The following EBF2 variants were observed in gnomAD, a reference collection of about 807,000 sequenced individuals.
EBF2 encodes transcription factor COE2.
EBF2 carries 21 observed loss-of-function variants against 72.8 expected under a neutral mutation model. The observed-to-expected ratio is 0.29, with a 90% CI of 0.20 to 0.42. The LOEUF (loss-of-function observed/expected upper bound fraction) is 0.42. Ranked by LOEUF, EBF2 falls within the 10% of genes least tolerant of loss-of-function variation. The pLI is 1.00. For synonymous variants in EBF2, 299 were observed against 274.2 expected (o/e 1.09, Z -0.89); for missense variants, 637 against 731.2 (o/e 0.87, Z 1.49).
At chr8:25,905,945 T>C (rs1456749480) in intron 7 of EBF2, among the ~76,000 whole-genome samples, 1 of 152,240 alleles carries the variant, frequency 6.6e-6, no homozygotes, top group African/African-American at 2.4e-5. Flanking sequence ...TTTTTGCCCT[T>C]GTCTTTGCAA....
chr8:26,042,624 C>G (rs1286529037), intron 1 of EBF2, among the ~76,000 whole-genome samples: 4 of 152,224 alleles, frequency 2.6e-5, no homozygotes, highest in Non-Finnish European at 1.5e-5. Context: ...TGTCTCCATC[C>G]ACTCCCTCAG....
At chr8:25,885,293 A>T (rs188107495) in intron 10 of EBF2, among the ~76,000 whole-genome samples, 1 of 152,080 alleles carries the variant, frequency 6.6e-6, no homozygotes, top group African/African-American at 2.4e-5. Flanking sequence ...TGTGCAGCTC[A>T]TTTGGGCTAA....
At chr8:26,038,031 G>T (rs1229387921) in intron 5 of EBF2, among the ~76,000 whole-genome samples, 1 of 152,168 alleles carries the variant, frequency 6.6e-6, no homozygotes, top group Non-Finnish European at 1.5e-5. Flanking sequence ...CTCAATCATT[G>T]ACTGCTACAA....
intron 7 of EBF2, among the ~76,000 whole-genome samples, chr8:25,893,690 C>G (rs1802821131): frequency 1.3e-5 from 2 of 152,116 alleles, no homozygotes; most frequent in Non-Finnish European, 2.9e-5. Context: ...TTAATTCACT[C>G]CACAAGCTCC....
At chr8:25,867,145 T>C (rs891193273) in intron 10 of EBF2, among the ~76,000 whole-genome samples, 5 of 152,302 alleles carry the variant, frequency 3.3e-5, no homozygotes, top group African/African-American at 1.2e-4. Context: ...AGGTATCAGT[T>C]ATTGTTATTG....
chr8:25,889,721 T>C, intron 8 of EBF2, 31 bp downstream of exon 8: 1 of 1,526,828 alleles, frequency 6.5e-7, no homozygotes, highest in South Asian at 1.1e-5. Context: ...GAATTTCATG[T>C]GTCTGCTATG....
intron 4 of EBF2, 152 bp downstream of exon 4, chr8:26,040,464 C>G: frequency 1.4e-6 from 1 of 709,740 alleles, no homozygotes; most frequent in Non-Finnish European, 2.3e-6. Flanking sequence ...AAAATCTTCC[C>G]TAGCAGACAA....
intron 6 of EBF2, among the ~76,000 whole-genome samples, chr8:26,004,414 C>T (rs78365229): frequency 0.051 from 7,795 of 152,204 alleles, 693 homozygotes; most frequent in East Asian, 0.34. Flanking sequence ...GTGGCTCACA[C>T]CTGTAATTCC....
chr8:25,899,955 C>T (rs894857741), intron 7 of EBF2, among the ~76,000 whole-genome samples: 46 of 152,118 alleles, frequency 3.0e-4, no homozygotes, highest in Admixed American at 2.6e-3. Flanking sequence ...TCTCCCACAC[C>T]GGGCGCTTCT....
intron 6 of EBF2, among the ~76,000 whole-genome samples, chr8:25,948,947 C>T (rs1337809971): frequency 2.0e-5 from 3 of 152,088 alleles, no homozygotes; most frequent in Non-Finnish European, 4.4e-5. Context: ...TCCAGGAATC[C>T]AAATACACGC....
chr8:25,930,126 A>T lies in EBF2; in HGVS notation c.552-21571T>A, dbSNP rs73677435. Among the ~76,000 whole-genome samples the T allele has an allele frequency of 3.2e-3, 488 of 152,298 alleles. 3 individuals carry two copies. The highest frequency in any genetic ancestry group is 0.011 in the African/African-American group (469 of 41,564). ...TGACATCACGTTGTGGCAGGGACAC[A>T]TGGACTTCTGGCTTTATTCAGGTTA... On this transcript the variant is annotated intron_variant, in intron 6 of 15. Coordinates refer to ENST00000520164, the MANE Select transcript of EBF2 (RefSeq NM_022659.4).
intron 7 of EBF2, among the ~76,000 whole-genome samples, chr8:25,893,271 ATTTTTTTTTTTT>A (rs201829098): frequency 1.7e-4 from 19 of 111,426 alleles, no homozygotes; most frequent in East Asian, 1.4e-3. Flanking sequence ...TAATTCTTCC[ATTTTTTTTTTTT>A]TTTTTTTTTT....
chr8:25,946,421 G>A (rs1803769585), intron 6 of EBF2, among the ~76,000 whole-genome samples: 1 of 152,186 alleles, frequency 6.6e-6, no homozygotes, highest in African/African-American at 2.4e-5. Context: ...AGAAGAAAAT[G>A]GAAAAGTACC....
chr8:25,862,542 G>C (rs1377758465), intron 11 of EBF2, among the ~76,000 whole-genome samples, 167 bp downstream of exon 11: 8 of 151,978 alleles, frequency 5.3e-5, no homozygotes, highest in Non-Finnish European at 1.0e-4. Flanking sequence ...TAATAAATAA[G>C]ACCATAATAT....
intron 6 of EBF2, among the ~76,000 whole-genome samples, chr8:25,912,466 G>GCCCACACA (rs1554569532): frequency 7.3e-6 from 1 of 136,856 alleles, no homozygotes; most frequent in Non-Finnish European, 1.5e-5. Flanking sequence ...TCTAAAAATG[G>GCCCACACA]CACACACACA....
rs75395866 is a variant in EBF2, at chr8:26,026,586, G to A, written c.551+6499C>T. 1.0e-3 allele frequency among the ~76,000 whole-genome samples: 158 copies of A among 152,282 alleles called. 4 individuals are homozygous for A. In the East Asian group the frequency reaches 0.017, roughly 17 times the overall value. On this transcript the variant is annotated intron_variant, in intron 6 of 15. Coordinates refer to ENST00000520164, the MANE Select transcript of EBF2 (RefSeq NM_022659.4). ...CCACTCCTCAGTCACGCCGAGGATG[G>A]ACATTCTGTCAAATCTGTCACACAG...
intron 7 of EBF2, among the ~76,000 whole-genome samples, chr8:25,903,772 A>G (rs549390130): frequency 2.6e-5 from 4 of 152,320 alleles, no homozygotes; most frequent in Admixed American, 1.3e-4. Flanking sequence ...AGAGAGGTGG[A>G]TTTAATAGAT....
chr8:25,909,026 C>T (rs970148911), intron 6 of EBF2, among the ~76,000 whole-genome samples: 4 of 152,164 alleles, frequency 2.6e-5, no homozygotes, highest in African/African-American at 9.7e-5. Flanking sequence ...ATATATTCAA[C>T]TAATGTTTAC....
In EBF2 at chr8:25,861,187, G is replaced by T. The variant is rs780068107; in HGVS notation, c.1204C>A (p.Leu402Ile). ...CTGGGATTCCTGGGGACGCTGTAGA[G>T]AGCTTCAGCAATGTCTGCGGCTCGC... ...LKRAADIAEA[L>I]YSVPRNPSQL... The change falls in exon 13 of 16, where the codon CTC (leucine) becomes ATC (isoleucine). Residue 402 changes from leucine to isoleucine, a missense_variant. By Grantham distance (5) the Leu-to-Ile change is conservative. Coordinates refer to ENST00000520164, the MANE Select transcript of EBF2 (RefSeq NM_022659.4). The T allele has an allele frequency of 6.2e-7, 1 of 1,613,888 alleles. No individual in the cohort carries two copies. Among genetic ancestry groups the T allele is most frequent in the Admixed American group, 1.7e-5 (1 of 59,998 alleles).
Sources: allele counts gnomAD v4.1 joint callset (sites outside exome capture counted in the v4.1 genomes callset), GRCh38; gene constraint gnomAD v4.1.1; transcripts MANE v1.5; gene names NCBI Gene and HGNC (gene_info 2026-07-23, HGNC 2026-07-21).